The following ABI3BP variants were observed in gnomAD, a reference collection of about 807,000 sequenced individuals.
The protein encoded by ABI3BP is target of Nesh-SH3.
A neutral mutation model predicts 268.6 loss-of-function variants in ABI3BP; 216 were observed. That is an observed-to-expected ratio of 0.80 (90% confidence interval 0.72 to 0.90). The LOEUF (loss-of-function observed/expected upper bound fraction) is 0.90, where lower values mean the gene tolerates loss of function less well. Ranked by LOEUF, ABI3BP falls within the 40% of genes least tolerant of loss-of-function variation. The probability of loss-of-function intolerance (pLI) is 0.00; values close to 1 mark genes in which losing one functional copy is unlikely to be tolerated. For synonymous variants in ABI3BP, 730 were observed against 730.0 expected (o/e 1.00, Z 0.00); for missense variants, 2,090 against 2,182.4 (o/e 0.96, Z 0.84).
chr3:100,980,091 G>C (rs1322486982), intron 1 of ABI3BP, among the ~76,000 whole-genome samples: 1 of 152,188 alleles, frequency 6.6e-6, no homozygotes, highest in Non-Finnish European at 1.5e-5. Flanking sequence ...TTTGCTGAAA[G>C]ACTGTCTATA....
In ABI3BP at chr3:100,983,145, C is replaced by T. The variant is rs16843088; in HGVS notation, c.79+10161G>A. Among the ~76,000 whole-genome samples the T allele has an allele frequency of 1.8e-3, 278 of 152,320 alleles. 3 individuals are homozygous for T. Among genetic ancestry groups the T allele is most frequent in the East Asian group, 0.013 (66 of 5,182 alleles). On this transcript the variant is annotated intron_variant, in intron 1 of 67. Transcript: ENST00000471714. ...ATTTAACGAGAAAGGATATCTGAAG[C>T]TCCACCTTGGCATCACCTTGTAAGC...
At chr3:100,943,976 T>C (rs1320491970) in intron 1 of ABI3BP, among the ~76,000 whole-genome samples, 2 of 152,270 alleles carry the variant, frequency 1.3e-5, no homozygotes, top group Admixed American at 6.5e-5. Context: ...CTATTTATAA[T>C]AGACAATTAC....
chr3:100,965,336 C>T (rs1236489631), intron 1 of ABI3BP, among the ~76,000 whole-genome samples: 1 of 152,082 alleles, frequency 6.6e-6, no homozygotes, highest in African/African-American at 2.4e-5. Flanking sequence ...CCATTCAAAC[C>T]ATTAAACATT....
rs374145401 is a variant in ABI3BP at position 100,802,341 on chromosome 3, A to G, written c.3757+2451T>C. Among the ~76,000 whole-genome samples the G allele has an allele frequency of 2.3e-3, 351 of 152,324 alleles. 4 individuals are homozygous for G. Among genetic ancestry groups the G allele is most frequent in the African/African-American group, 8.1e-3 (335 of 41,582 alleles). On this transcript the variant is annotated intron_variant, in intron 51 of 67. Transcript: ENST00000471714. ...ATGCCTGGGGGTCAGAAGGTTGACC[A>G]CAAAGCCAAGACAGCTCTTGGTGTA...
At chr3:100,756,145 C>A (rs904830351) in intron 63 of ABI3BP, among the ~76,000 whole-genome samples, 5 of 152,212 alleles carry the variant, frequency 3.3e-5, no homozygotes, top group African/African-American at 1.2e-4. Flanking sequence ...CACATGTAAA[C>A]CCTGATGAGA....
In ABI3BP at chr3:100,840,092, T is replaced by A. The variant is rs898195575; in HGVS notation, c.1877A>T (p.Glu626Val). The change falls in exon 23 of 68, where the codon GAA (glutamate) becomes GTA (valine). Residue 626 changes from glutamate to valine, a missense_variant. Physicochemically the swap from Glu to Val is moderately radical, Grantham distance 121. Coordinates refer to ENST00000471714, the MANE Select transcript of ABI3BP (RefSeq NM_001375547.2). ...TTTACCGGGTTTGGACTTGGGCACTTCTGGACTAGGTGTGGTTTTAGGGCG... is the reference window on the plus strand; with the variant it reads ...TTTACCGGGTTTGGACTTGGGCACTACTGGACTAGGTGTGGTTTTAGGGCG... ...RPRPKTTPSP[E>V]VPKSKPALEP... 13 of 1,478,496 alleles carry A rather than the reference T, an allele frequency of 8.8e-6. No homozygotes were observed. The highest frequency in any genetic ancestry group is 1.2e-5 in the Non-Finnish European group (13 of 1,111,378). 91.6% of individuals were successfully genotyped at this position (1,478,496 alleles called of 1,614,324 possible).
At chr3:100,836,849 G>A (rs1423959462) in intron 27 of ABI3BP, among the ~76,000 whole-genome samples, 1 of 152,136 alleles carries the variant, frequency 6.6e-6, no homozygotes, top group Non-Finnish European at 1.5e-5. Context: ...TTTCTGGTTT[G>A]AAAGATGGAT....
At chr3:100,956,744 A>T (rs2076981776) in intron 1 of ABI3BP, among the ~76,000 whole-genome samples, 1 of 152,190 alleles carries the variant, frequency 6.6e-6, no homozygotes, top group African/African-American at 2.4e-5. Context: ...ATAGAGGAGG[A>T]GGCTTCACTT....
In ABI3BP at chr3:100,749,922, GTAAC is replaced by G. The variant is rs921362009; in HGVS notation, c.*569_*572del. The G allele has an allele frequency of 2.6e-6, 1 of 392,000 alleles. No individual in the cohort carries two copies. Among genetic ancestry groups the G allele is most frequent in the Non-Finnish European group, 4.5e-6 (1 of 222,314 alleles). 24.3% of individuals were successfully genotyped at this position (392,000 alleles called of 1,614,324 possible). On this transcript the variant is annotated 3_prime_UTR_variant, in exon 68 of 68. Transcript: ENST00000471714. The stretch of plus-strand genomic sequence containing the variant: ...AGGAAATGTATATTAGCATGAATGT[GTAAC>G]TATTAAACTCCTCCGCAAAGCTATT...
intron 4 of ABI3BP, among the ~76,000 whole-genome samples, chr3:100,893,050 T>A (rs1337063206): frequency 6.6e-6 from 1 of 152,294 alleles, no homozygotes; most frequent in Admixed American, 6.5e-5. Context: ...CACCATCTAA[T>A]CAGCTGACAG....
intron 62 of ABI3BP, among the ~76,000 whole-genome samples, chr3:100,768,339 C>T (rs745501060): frequency 1.3e-5 from 2 of 152,168 alleles, no homozygotes; most frequent in African/African-American, 2.4e-5. Context: ...CCGCCCACCT[C>T]AGCCTCCCAG....
chr3:100,876,587 T>C lies in ABI3BP; in HGVS notation c.697-27A>G, dbSNP rs762020025. The C allele has an allele frequency of 2.5e-6, 4 of 1,603,478 alleles. No individual in the cohort carries two copies. In the South Asian group the frequency reaches 3.3e-5, roughly 13 times the overall value. On this transcript the variant is annotated intron_variant, in intron 6 of 67. Transcript: ENST00000471714. ...TGCAAAGAGAAGAAGAAAGTCAACT[T>C]TTGAGTCATTGTGAATAACTTTCTG...
At chr3:100,839,494 A>G in intron 24 of ABI3BP, 75 bp downstream of exon 24, 1 of 1,434,386 alleles carries the variant, frequency 7.0e-7, no homozygotes, top group Non-Finnish European at 9.5e-7. Flanking sequence ...AACTGCAGTC[A>G]TGCCTGTAAT....
intron 62 of ABI3BP, 91 bp from the exon 63 acceptor site, chr3:100,766,040 C>A: frequency 1.1e-6 from 1 of 914,866 alleles, no homozygotes; most frequent in Non-Finnish European, 1.7e-6. Flanking sequence ...AAGCCACTTA[C>A]ATAAAGTAAG....
At position 100,851,868 on chromosome 3, in the gene ABI3BP, G is replaced by C. The variant is rs1472350601; in HGVS notation, c.1351+7C>G. The C allele has an allele frequency of 1.9e-6, 3 of 1,585,478 alleles. No individual in the cohort carries two copies. In the East Asian group the frequency reaches 6.8e-5, roughly 36 times the overall value. Reference sequence around the variant, plus strand: ...ATCCAAAGACAGAATTGAGAGGCCAGATATACCTGTGTAGGAATCTGATAT... The same window carrying C: ...ATCCAAAGACAGAATTGAGAGGCCACATATACCTGTGTAGGAATCTGATAT... On this transcript the variant is annotated splice_region_variant and intron_variant, in intron 15 of 67. Transcript: ENST00000471714.
intron 14 of ABI3BP, among the ~76,000 whole-genome samples, chr3:100,853,027 T>C (rs753166927): frequency 1.3e-5 from 2 of 152,214 alleles, no homozygotes; most frequent in Non-Finnish European, 2.9e-5. Context: ...CAGGAAGACG[T>C]AGTCATTGGG....
chr3:100,873,707 C>G (rs1207878987), intron 9 of ABI3BP, among the ~76,000 whole-genome samples: 1 of 152,148 alleles, frequency 6.6e-6, no homozygotes, highest in East Asian at 1.9e-4. Context: ...GAGGAAATAT[C>G]AACTGAAGCA....
chr3:100,969,460 C>T lies in ABI3BP; in HGVS notation c.79+23846G>A, dbSNP rs57356182. 3.0e-3 allele frequency among the ~76,000 whole-genome samples: 460 copies of T among 152,262 alleles called. 7 individuals carry two copies. The East Asian group carries it at 0.038, about 13-fold the overall frequency. ...GAGCCAAGTACTAAAGGGATGGGCT[C>T]GCCCAATAAATGTGGCCAGCAGCAG... is the stretch of plus-strand genomic sequence containing the variant. On this transcript the variant is annotated intron_variant, in intron 1 of 67. Transcript: ENST00000471714.
chr3:100,770,110 T>C (rs1172390434), intron 62 of ABI3BP, among the ~76,000 whole-genome samples: 1 of 152,214 alleles, frequency 6.6e-6, no homozygotes, highest in African/African-American at 2.4e-5. Flanking sequence ...TGCTATTTGC[T>C]ATATCCTCTA....
Sources: gnomAD v4.1 joint callset for allele counts (sites outside exome capture counted in the v4.1 genomes callset) on GRCh38, gnomAD v4.1.1 for gene constraint, MANE v1.5 for transcripts, NCBI Gene and HGNC (gene_info 2026-07-23, HGNC 2026-07-21) for gene names.